The following ITGAV variants were observed in gnomAD, a reference collection of about 807,000 sequenced individuals.
ITGAV encodes integrin alpha-V.
Under a neutral mutation model 143.8 loss-of-function variants are expected in ITGAV, and 76 were observed. The ratio of observed to expected loss-of-function variants is 0.53; its 90% CI spans 0.44 to 0.64. ITGAV has a LOEUF of 0.64. Ranked by LOEUF, ITGAV falls within the 30% of genes least tolerant of loss-of-function variation. The pLI is 0.00. For missense variants in ITGAV, 1,193 were observed against 1,274.7 expected, an observed-to-expected ratio of 0.94 and a Z score of 0.98; for synonymous variants, 453 against 446.7, an observed-to-expected ratio of 1.01 and a Z score of -0.18.
At chr2:186,629,438 A>T (rs966957015) in intron 4 of ITGAV, among the ~76,000 whole-genome samples, 1 of 152,030 alleles carries the variant, frequency 6.6e-6, no homozygotes, top group Non-Finnish European at 1.5e-5. Flanking sequence ...GACTTGCTCT[A>T]ACTTGAGGTT....
At chr2:186,608,906 A>G (rs1390570413) in intron 2 of ITGAV, among the ~76,000 whole-genome samples, 1 of 152,228 alleles carries the variant, frequency 6.6e-6, no homozygotes, top group Non-Finnish European at 1.5e-5. Flanking sequence ...AAGAACAACC[A>G]GTGGATTTTA....
Position 186,665,115 on chromosome 2 carries a change from G to GTT in ITGAV, c.2074-10_2074-9insTT. ...ATATCCATTTTTTTTTTTTTTTTTG[G>GTT]TCTATCAAAGGCCTTAGCAAGACTT... On this transcript the variant is annotated splice_polypyrimidine_tract_variant and intron_variant, in intron 20 of 29. Transcript: ENST00000261023. 1 of 1,320,028 alleles carries GTT rather than the reference G, an allele frequency of 7.6e-7. No individual in the cohort carries two copies. The highest frequency in any genetic ancestry group is 1.9e-5 in the African/African-American group (1 of 52,592). 81.8% of individuals were successfully genotyped at this position (1,320,028 alleles called of 1,614,324 possible).
intron 26 of ITGAV, 120 bp from the exon 27 acceptor site, chr2:186,675,484 C>A: frequency 1.5e-6 from 1 of 677,864 alleles, no homozygotes. Flanking sequence ...ATTTTCAAGA[C>A]AGAAGAATCT....
rs774953023 is a variant in ITGAV, at chr2:186,665,227, AT to A, written c.2166+12del. The A allele has an allele frequency of 1.8e-5, 28 of 1,554,614 alleles. No individual in the cohort carries two copies. The highest frequency in any genetic ancestry group is 2.2e-5 in the Non-Finnish European group (25 of 1,127,646). The stretch of plus-strand genomic sequence containing the variant: ...TGAAGGCTGGAACTCAAGTAAGACA[AT>A]TTAATTAAACGGATTTTTCTCCCTG... On this transcript the variant is annotated intron_variant, in intron 21 of 29. Coordinates refer to ENST00000261023, the MANE Select transcript of ITGAV (RefSeq NM_002210.5).
At chr2:186,645,101 T>G (rs377234382) in intron 12 of ITGAV, among the ~76,000 whole-genome samples, 3 of 152,156 alleles carry the variant, frequency 2.0e-5, no homozygotes, top group African/African-American at 7.2e-5. Flanking sequence ...TGTGTAGTCA[T>G]AGAATAAGTA....
Position 186,677,621 on chromosome 2 carries a change from T to G in ITGAV, c.*329T>G, listed in dbSNP as rs199952134. ...ACCTCCTTCAGTTACTGTTTCTGAT[T>G]TAATGTACGGAACTTTATTTGTTGT... is the stretch of plus-strand genomic sequence containing the variant. On this transcript the variant is annotated 3_prime_UTR_variant, in exon 30 of 30. Transcript: ENST00000261023. 1 of 197,756 alleles carries G rather than the reference T, an allele frequency of 5.1e-6. No individual in the cohort carries two copies. Among genetic ancestry groups the G allele is most frequent in the East Asian group, 1.2e-4 (1 of 8,068 alleles). 12.3% of individuals were successfully genotyped at this position (197,756 alleles called of 1,614,324 possible).
intron 5 of ITGAV, among the ~76,000 whole-genome samples, chr2:186,632,725 A>T (rs1574479260): frequency 6.6e-6 from 1 of 152,154 alleles, no homozygotes; most frequent in East Asian, 1.9e-4. Context: ...ATAGAAAGAA[A>T]ATTTGCTGTA....
intron 6 of ITGAV, among the ~76,000 whole-genome samples, chr2:186,634,343 G>A (rs2105702119): frequency 6.6e-6 from 1 of 152,284 alleles, no homozygotes; most frequent in South Asian, 2.1e-4. Flanking sequence ...TTAGCATTCT[G>A]ATATTCAAGC....
chr2:186,637,671 C>A (rs1687985626), intron 8 of ITGAV, among the ~76,000 whole-genome samples: 3 of 152,158 alleles, frequency 2.0e-5, no homozygotes, highest in Non-Finnish European at 2.9e-5. Flanking sequence ...CCTTTCCTTT[C>A]TGCTTCTTTT....
intron 25 of ITGAV, 108 bp from the exon 26 acceptor site, chr2:186,669,593 A>G: frequency 1.4e-6 from 1 of 724,864 alleles, no homozygotes; most frequent in Non-Finnish European, 2.3e-6. Context: ...GTCATACTAA[A>G]TTTTCATTCA....
intron 2 of ITGAV, among the ~76,000 whole-genome samples, chr2:186,616,514 G>A (rs1320032972): frequency 2.6e-5 from 4 of 151,688 alleles, no homozygotes; most frequent in Admixed American, 6.6e-5. Flanking sequence ...TCCTGACCTC[G>A]TGATCCGCCC....
At chr2:186,607,376 G>A (rs1016845254) in intron 2 of ITGAV, among the ~76,000 whole-genome samples, 2 of 152,016 alleles carry the variant, frequency 1.3e-5, no homozygotes, top group Non-Finnish European at 2.9e-5. Flanking sequence ...AAGACCTTTG[G>A]TATGCCCATG....
chr2:186,604,252 G>C (rs1166601644), intron 2 of ITGAV, among the ~76,000 whole-genome samples: 1 of 151,742 alleles, frequency 6.6e-6, no homozygotes, highest in Non-Finnish European at 1.5e-5. Context: ...TTGAAAAAAA[G>C]GCAACTCAAA....
intron 1 of ITGAV, among the ~76,000 whole-genome samples, chr2:186,598,800 T>C (rs1686819775): frequency 6.6e-6 from 1 of 152,150 alleles, no homozygotes; most frequent in Admixed American, 6.5e-5. Flanking sequence ...CATTTTGCCG[T>C]GATGGGAGAG....
At chr2:186,620,193 C>T (rs945356805) in intron 2 of ITGAV, among the ~76,000 whole-genome samples, 4 of 152,216 alleles carry the variant, frequency 2.6e-5, no homozygotes, top group East Asian at 1.9e-4. Flanking sequence ...TAACTCTTTA[C>T]GGGTGCCTAT....
chr2:186,653,567 C>G (rs1688503066), intron 15 of ITGAV, among the ~76,000 whole-genome samples: 1 of 152,114 alleles, frequency 6.6e-6, no homozygotes, highest in Non-Finnish European at 1.5e-5. Flanking sequence ...TTGAAACTTT[C>G]ATTTCTTTAA....
Position 186,666,724 on chromosome 2 carries a change from C to T in ITGAV, c.2187C>T (p.Phe729=). The T allele has an allele frequency of 6.3e-7, 1 of 1,580,128 alleles. No homozygotes were observed. Among genetic ancestry groups the T allele is most frequent in the Non-Finnish European group, 8.6e-7 (1 of 1,166,408 alleles). ...TTTAGCTCTTAGCTGGTCTTCGTTT[C>T]AGTGTGCACCAGCAGTCAGAGATGG... The part of the protein sequence containing the change: ...AGTQLLAGLR[F]SVHQQSEMDT... Residue 729 remains phenylalanine, a synonymous_variant, in exon 22 of 30, where the codon TTC becomes TTT. Transcript: ENST00000261023.
At chr2:186,608,751 A>G (rs1687135578) in intron 2 of ITGAV, among the ~76,000 whole-genome samples, 1 of 152,072 alleles carries the variant, frequency 6.6e-6, no homozygotes, top group South Asian at 2.1e-4. Flanking sequence ...GCCTGTGTGT[A>G]TGTTCCATGC....
intron 2 of ITGAV, among the ~76,000 whole-genome samples, chr2:186,617,144 A>C (rs1209187278): frequency 6.6e-6 from 1 of 152,222 alleles, no homozygotes; most frequent in Admixed American, 6.5e-5. Context: ...TTTAGCTTCA[A>C]AATGGAAGTT....
Sources: gnomAD v4.1 joint callset for allele counts (sites outside exome capture counted in the v4.1 genomes callset) on GRCh38, gnomAD v4.1.1 for gene constraint, MANE v1.5 for transcripts, NCBI Gene and HGNC (gene_info 2026-07-23, HGNC 2026-07-21) for gene names.